DUSP6: variants seen among roughly 807,000 people sequenced by gnomAD.
DUSP6 encodes the protein dual specificity phosphatase 6, also known as dual specificity protein phosphatase 6.
A neutral mutation model predicts 28.0 loss-of-function variants in DUSP6; 6 were observed. That is an observed-to-expected ratio of 0.21 (90% CI 0.12 to 0.42). The LOEUF is 0.42. Among genes scored for constraint, DUSP6 ranks in the 10% least tolerant of loss-of-function variants. The probability of loss-of-function intolerance (pLI) is 1.00; values close to 1 mark genes in which losing one functional copy is unlikely to be tolerated. For synonymous variants in DUSP6, 252 were observed against 217.5 expected (o/e 1.16, Z -1.40); for missense variants, 451 against 498.1 (o/e 0.91, Z 0.90).
rs747124086 is a variant in DUSP6 at position 89,349,536 on chromosome 12, A to G, written c.864T>C (p.Gly288=). ...TGCCAGCCAAGCAATGTACCAAGAC[A>G]CCACAGTTCTTGCCCCGGGCTTCAT... The part of the protein sequence containing the change: ...FIDEARGKNC[G]VLVHCLAGIS... Residue 288 remains glycine (G), a synonymous_variant, in exon 3 of 3, where the codon GGT becomes GGC. Coordinates refer to ENST00000279488, the MANE Select transcript of DUSP6 (RefSeq NM_001946.4). 1 of 1,610,768 alleles carries G rather than the reference A, an allele frequency of 6.2e-7. No individual in the cohort carries two copies. Among genetic ancestry groups the G allele is most frequent in the Non-Finnish European group, 8.5e-7 (1 of 1,177,096 alleles).
Position 89,352,122 on chromosome 12 carries a change from C to T in DUSP6, c.-83G>A. ...TAGGCCGAGCGCACCGCGCGCGAAG[C>T]TGCCGCTCTCGGAGCGGGGTTTAAT... On this transcript the variant is annotated 5_prime_UTR_variant, in exon 1 of 3. Coordinates refer to ENST00000279488, the MANE Select transcript of DUSP6 (RefSeq NM_001946.4). The T allele has an allele frequency of 2.0e-6, 3 of 1,527,996 alleles. No homozygotes were observed. Among genetic ancestry groups the T allele is most frequent in the Non-Finnish European group, 2.6e-6 (3 of 1,136,658 alleles). 94.7% of individuals were successfully genotyped at this position (1,527,996 alleles called of 1,614,324 possible). A position where few individuals can be genotyped will look rare whatever the true frequency, so the allele number is the denominator to read the frequency against.
At position 89,351,881 on chromosome 12, in the gene DUSP6, G is replaced by A. The variant is rs1196376616; in HGVS notation, c.159C>T (p.Ala53=). 1 of 1,612,646 alleles carries A rather than the reference G, an allele frequency of 6.2e-7. No homozygotes were observed. Among genetic ancestry groups the A allele is most frequent in the East Asian group, 2.2e-5 (1 of 44,870 alleles). The change falls in exon 1 of 3, where the codon GCC becomes GCT. Residue 53 remains alanine, a synonymous_variant. Transcript: ENST00000279488. ...ELYESSHIES[A]INVAIPGIML... is the part of the protein sequence containing the mutation. ...TGATGCCCGGGATGGCCACGTTGAT[G>A]GCCGACTCGATGTGCGACGACTCGT...
At position 89,351,677 on chromosome 12, in the gene DUSP6, C is replaced by G. The variant is rs1319402157; in HGVS notation, c.363G>C (p.Lys121Asn). 1 of 1,607,820 alleles carries G rather than the reference C, an allele frequency of 6.2e-7. No individual in the cohort carries two copies. The highest frequency in any genetic ancestry group is 8.5e-7 in the Non-Finnish European group (1 of 1,177,740). Residue 121 changes from lysine (K) to asparagine (N), a missense_variant, in exon 1 of 3, where the codon AAG (lysine) becomes AAC (asparagine). Lys to Asn is a moderately conservative substitution (Grantham distance 94, BLOSUM62 0). This residue lies in a region of DUSP6 where 347 missense variants were observed against 346.6 expected (regional missense o/e 1.00). Coordinates refer to ENST00000279488, the MANE Select transcript of DUSP6 (RefSeq NM_001946.4). ...ACGCCCGGCAGCCCTCGTCCTTGAG[C>G]TTCTTGAGCAGCAGCCCGAGCACCG... ...GESVLGLLLK[K>N]LKDEGCRAFY...
chr12:89,351,183 A>C, intron 1 of DUSP6, 158 bp from the exon 2 acceptor site: 1 of 856,650 alleles, frequency 1.2e-6, no homozygotes, highest in Non-Finnish European at 1.7e-6. Context: ...AATGTGCACC[A>C]TCGGGAATGG....
At position 89,347,858 on chromosome 12, in the gene DUSP6, G is replaced by A. The variant is rs1481186750; in HGVS notation, c.*1396C>T. ...CATAAGAGGTATTGTTCATATACAC[G>A]GTACAGTCGGTCCATTCTAGGATGT... On this transcript the variant is annotated 3_prime_UTR_variant, in exon 3 of 3. Coordinates refer to ENST00000279488, the MANE Select transcript of DUSP6 (RefSeq NM_001946.4). 6.6e-6 allele frequency: 1 copy of A among 152,036 alleles called. No homozygotes were observed. The highest frequency in any genetic ancestry group is 1.9e-4 in the East Asian group (1 of 5,196). The allele number at this position is 152,036 out of a possible 1,614,324, so 9.4% of individuals were successfully genotyped here.
At position 89,347,502 on chromosome 12, in the gene DUSP6, T is replaced by G. The variant is rs906203337; in HGVS notation, c.*1752A>C. On this transcript the variant is annotated 3_prime_UTR_variant, in exon 3 of 3. Coordinates refer to ENST00000279488, the MANE Select transcript of DUSP6 (RefSeq NM_001946.4). ...CATATCCTGACACGGTGAGGAAGCT[T>G]AGATATGCCTTGCCATGCGCATGCT... 6.6e-6 allele frequency: 1 copy of G among 152,228 alleles called. No individual in the cohort carries two copies. The highest frequency in any genetic ancestry group is 2.4e-5 in the African/African-American group (1 of 41,442). 9.4% of individuals were successfully genotyped at this position (152,228 alleles called of 1,614,324 possible).
At chr12:89,349,779 A>C (rs1053060775) in intron 2 of DUSP6, among the ~76,000 whole-genome samples, 2 of 152,254 alleles carry the variant, frequency 1.3e-5, no homozygotes, top group African/African-American at 4.8e-5. Flanking sequence ...CTTTTGTATT[A>C]AGTTTCTGCC....
rs560804403 is a variant in DUSP6 at position 89,350,534 on chromosome 12, T to A, written c.838+54A>T. The A allele has an allele frequency of 2.6e-6, 4 of 1,529,920 alleles. No homozygotes were observed. The East Asian group carries it at 6.8e-5, about 26-fold the overall frequency. The allele number at this position is 1,529,920 out of a possible 1,614,324, so 94.8% of individuals were successfully genotyped here. On this transcript the variant is annotated intron_variant, in intron 2 of 2. Transcript: ENST00000279488. Reference sequence around the variant, plus strand: ...CGATTAACAGCTTAAACTCTATGAATGGCTAGGAATTTTGCATTTAAATGT... The same window carrying A: ...CGATTAACAGCTTAAACTCTATGAAAGGCTAGGAATTTTGCATTTAAATGT...
Position 89,351,409 on chromosome 12 carries a change from A to G in DUSP6, c.400+231T>C, listed in dbSNP as rs704079. The stretch of plus-strand genomic sequence containing the variant: ...TAAGAAGGCGCAGAACCCGTTAGAA[A>G]GAAACCGCCGGTACCCGCAGCCGGA... On this transcript the variant is annotated intron_variant, in intron 1 of 2. Transcript: ENST00000279488. The G allele has an allele frequency of 0.061, 42,384 of 697,522 alleles. 1,590 individuals are homozygous for G. Among genetic ancestry groups the G allele is most frequent in the Admixed American group, 0.13 (4,278 of 31,878 alleles). The allele number at this position is 697,522 out of a possible 1,614,324, so 43.2% of individuals were successfully genotyped here. A position where few individuals can be genotyped will look rare whatever the true frequency, so the allele number is the denominator to read the frequency against.
At chr12:89,351,425 C>G (rs1445733732) in intron 1 of DUSP6, 1 of 790,714 alleles carries the variant, frequency 1.3e-6, no homozygotes. Flanking sequence ...CGCCGGTACC[C>G]GCAGCCGGAA....
At chr12:89,349,972 C>A (rs1355580241) in intron 2 of DUSP6, among the ~76,000 whole-genome samples, 1 of 152,170 alleles carries the variant, frequency 6.6e-6, no homozygotes, top group Non-Finnish European at 1.5e-5. Flanking sequence ...AGAGGGAAGT[C>A]ACAGGGGACG....
rs930322948 is a variant in DUSP6 at position 89,348,314 on chromosome 12, C to A, written c.*940G>T. ...GTGACACTCCCTGAAGAATTTTATA[C>A]AGAGGTAATATACTGTTTAGCACAG... On this transcript the variant is annotated 3_prime_UTR_variant, in exon 3 of 3. Coordinates refer to ENST00000279488, the MANE Select transcript of DUSP6 (RefSeq NM_001946.4). The A allele has an allele frequency of 6.6e-6, 1 of 152,590 alleles. No individual in the cohort carries two copies. The highest frequency in any genetic ancestry group is 1.5e-5 in the Non-Finnish European group (1 of 68,038). The allele number at this position is 152,590 out of a possible 1,614,324, so 9.5% of individuals were successfully genotyped here. A position where few individuals can be genotyped will look rare whatever the true frequency, so the allele number is the denominator to read the frequency against.
At position 89,350,895 on chromosome 12, in the gene DUSP6, G is replaced by A. The variant is rs1180468197; in HGVS notation, c.531C>T (p.Ser177=). 15 of 1,613,840 alleles carry A rather than the reference G, an allele frequency of 9.3e-6. No homozygotes were observed. The highest frequency in any genetic ancestry group is 1.2e-5 in the Non-Finnish European group (14 of 1,179,964). The part of the protein sequence containing the change: ...LGGLRISSDS[S]SDIESDLDRD... Reference sequence around the variant, plus strand: ...GGTCAAGGTCAGACTCGATGTCCGAGGAAGAGTCAGAGCTGATCCGCAGGC... The same window carrying A: ...GGTCAAGGTCAGACTCGATGTCCGAAGAAGAGTCAGAGCTGATCCGCAGGC... Residue 177 remains serine (S), a synonymous_variant, in exon 2 of 3, where the codon TCC becomes TCT. Coordinates refer to ENST00000279488, the MANE Select transcript of DUSP6 (RefSeq NM_001946.4).
chr12:89,351,415 C>A (rs997030212), intron 1 of DUSP6: 53 of 724,788 alleles, frequency 7.3e-5, no homozygotes, highest in Non-Finnish European at 1.1e-4. Flanking sequence ...AGAAAGAAAC[C>A]GCCGGTACCC....
rs1262788537 is a variant in DUSP6 at position 89,349,357 on chromosome 12, C to T, written c.1043G>A (p.Gly348Glu). 2 of 1,614,158 alleles carry T rather than the reference C, an allele frequency of 1.2e-6. No homozygotes were observed. The highest frequency in any genetic ancestry group is 1.7e-6 in the Non-Finnish European group (2 of 1,180,026). Reference protein sequence around the residue: ...GQLLDFERTLGLSSPCDNRVP... With the variant: ...GQLLDFERTLELSSPCDNRVP... ...CCTGTTGTCACATGGGCTGCTGAGT[C>T]CCAGCGTCCTCTCGAAGTCCAGCAG... Residue 348 changes from glycine to glutamate, a missense_variant, in exon 3 of 3, where the codon GGA (glycine) becomes GAA (glutamate). This residue lies in a region of DUSP6 where 104 missense variants were observed against 151.4 expected (regional missense o/e 0.69). Coordinates refer to ENST00000279488, the MANE Select transcript of DUSP6 (RefSeq NM_001946.4).
At position 89,349,209 on chromosome 12, in the gene DUSP6, G is replaced by T; in HGVS notation, c.*45C>A. The T allele has an allele frequency of 6.4e-7, 1 of 1,559,410 alleles. No homozygotes were observed. The highest frequency in any genetic ancestry group is 8.7e-7 in the Non-Finnish European group (1 of 1,149,828). ...CCAGCTGATGCTGCCAAGAGAAACTGCTGAAGGGCCAGACACATTCCAGCA... is the reference window on the plus strand; with the variant it reads ...CCAGCTGATGCTGCCAAGAGAAACTTCTGAAGGGCCAGACACATTCCAGCA... On this transcript the variant is annotated 3_prime_UTR_variant, in exon 3 of 3. Transcript: ENST00000279488.
Position 89,349,225 on chromosome 12 carries a change from C to A in DUSP6, c.*29G>T, listed in dbSNP as rs1012079473. 1.0e-5 allele frequency: 16 copies of A among 1,585,500 alleles called. No homozygotes were observed. Among genetic ancestry groups the A allele is most frequent in the Non-Finnish European group, 1.4e-5 (16 of 1,162,326 alleles). On this transcript the variant is annotated 3_prime_UTR_variant, in exon 3 of 3. Coordinates refer to ENST00000279488, the MANE Select transcript of DUSP6 (RefSeq NM_001946.4). ...AGAGAAACTGCTGAAGGGCCAGACA[C>A]ATTCCAGCAAGGAGGGGTGTGGGGT...
rs1184429036 is a variant in DUSP6 at position 89,351,313 on chromosome 12, T to C, written c.401-288A>G. 4 of 571,150 alleles carry C rather than the reference T, an allele frequency of 7.0e-6. No homozygotes were observed. In the Admixed American group the frequency reaches 1.0e-4, roughly 14 times the overall value. 35.4% of individuals were successfully genotyped at this position (571,150 alleles called of 1,614,324 possible). ...GTGCCAATTTGCATCCCCAACAATCTCTCCCGTCCTGCAAATCTTAATTCA... is the reference window on the plus strand; with the variant it reads ...GTGCCAATTTGCATCCCCAACAATCCCTCCCGTCCTGCAAATCTTAATTCA... On this transcript the variant is annotated intron_variant, in intron 1 of 2. Coordinates refer to ENST00000279488, the MANE Select transcript of DUSP6 (RefSeq NM_001946.4).
rs1879030932 is a variant in DUSP6, at chr12:89,347,829, T to C, written c.*1425A>G. 6.6e-6 allele frequency: 1 copy of C among 152,250 alleles called. No individual in the cohort carries two copies. Among genetic ancestry groups the C allele is most frequent in the African/African-American group, 2.4e-5 (1 of 41,470 alleles). The allele number at this position is 152,250 out of a possible 1,614,324, so 9.4% of individuals were successfully genotyped here. On this transcript the variant is annotated 3_prime_UTR_variant, in exon 3 of 3. Transcript: ENST00000279488. ...GCTTTAAAATCTTAAGCCGGAACTATACTCATAAGAGGTATTGTTCATATA... is the reference window on the plus strand; with the variant it reads ...GCTTTAAAATCTTAAGCCGGAACTACACTCATAAGAGGTATTGTTCATATA...
Sources: gnomAD v4.1 joint callset for allele counts (sites outside exome capture counted in the v4.1 genomes callset) on GRCh38, gnomAD v4.1.1 for gene constraint, gnomAD v4.1.1 regional missense constraint, MANE v1.5 for transcripts, NCBI Gene and HGNC (gene_info 2026-07-23, HGNC 2026-07-21) for gene names.